Variants in SIPA1L1 observed in about 807,000 individuals in gnomAD.
SIPA1L1 encodes the protein signal-induced proliferation-associated 1-like protein 1.
A neutral mutation model predicts 162.7 loss-of-function variants in SIPA1L1; 26 were observed. That is an observed-to-expected ratio of 0.16 (90% CI 0.12 to 0.22). The LOEUF (loss-of-function observed/expected upper bound fraction) is 0.22. Among genes scored for constraint, SIPA1L1 ranks in the 10% least tolerant of loss-of-function variants. SIPA1L1 has a pLI of 1.00. For missense variants in SIPA1L1, 1,874 were observed against 2,241.0 expected, an observed-to-expected ratio of 0.84 and a Z score of 3.31; for synonymous variants, 829 against 837.4, an observed-to-expected ratio of 0.99 and a Z score of 0.17.
chr14:71,542,205 C>A (rs1455397378), intron 4 of SIPA1L1, among the ~76,000 whole-genome samples: 1 of 152,124 alleles, frequency 6.6e-6, no homozygotes. Context: ...CCCCACTCAG[C>A]CTCCCAAGTA....
intron 2 of SIPA1L1, among the ~76,000 whole-genome samples, chr14:71,445,530 G>A (rs761594829): frequency 9.2e-5 from 14 of 152,102 alleles, no homozygotes; most frequent in Non-Finnish European, 1.9e-4. Context: ...ATGTGCATGG[G>A]AAGAGAGACT....
chr14:71,701,670 A>G (rs1253724774), intron 14 of SIPA1L1, among the ~76,000 whole-genome samples: 1 of 152,224 alleles, frequency 6.6e-6, no homozygotes, highest in African/African-American at 2.4e-5. Context: ...TAGTCAAGGC[A>G]TATGCTTTAA....
intron 4 of SIPA1L1, among the ~76,000 whole-genome samples, chr14:71,573,148 G>A (rs2032396439): frequency 6.6e-6 from 1 of 152,148 alleles, no homozygotes; most frequent in Non-Finnish European, 1.5e-5. Flanking sequence ...AAGCAGTATC[G>A]GTTTCCCCCA....
intron 2 of SIPA1L1, among the ~76,000 whole-genome samples, chr14:71,434,465 A>G (rs1471024113): frequency 2.0e-5 from 3 of 152,238 alleles, no homozygotes; most frequent in Non-Finnish European, 4.4e-5. Context: ...AAGGTAATAC[A>G]GTGAAGCTAA....
intron 7 of SIPA1L1, among the ~76,000 whole-genome samples, chr14:71,625,158 A>T (rs948594610): frequency 2.6e-5 from 4 of 152,126 alleles, no homozygotes; most frequent in African/African-American, 9.7e-5. Context: ...CCAGATTTGG[A>T]TAGGATTTCC....
chr14:71,685,409 A>G lies in SIPA1L1; in HGVS notation c.3152A>G (p.Asn1051Ser). 6.2e-7 allele frequency: 1 copy of G among 1,614,226 alleles called. No individual in the cohort carries two copies. The highest frequency in any genetic ancestry group is 8.5e-7 in the Non-Finnish European group (1 of 1,180,040). ...ATGCCAGTGATGGAGTACAAAATGA[A>G]TGAAGGTGTTTCATACGAATTCAAG... ...YRMPVMEYKM[N>S]EGVSYEFKFP... Residue 1051 changes from asparagine to serine, a missense_variant, in exon 13 of 24, where the codon AAT becomes AGT. By Grantham distance (46) the Asn-to-Ser change is conservative. This residue lies in a region of SIPA1L1 where 936 missense variants were observed against 1,051.9 expected (regional missense o/e 0.89). Coordinates refer to ENST00000381232, the MANE Select transcript of SIPA1L1 (RefSeq NM_001386936.1).
At chr14:71,456,841 A>G (rs1300550187) in intron 2 of SIPA1L1, among the ~76,000 whole-genome samples, 1 of 152,264 alleles carries the variant, frequency 6.6e-6, no homozygotes, top group Non-Finnish European at 1.5e-5. Context: ...AATTGAATAA[A>G]TCTAAATAAG....
chr14:71,607,681 A>C (rs936579296), intron 5 of SIPA1L1, among the ~76,000 whole-genome samples: 16 of 152,326 alleles, frequency 1.1e-4, no homozygotes, highest in Non-Finnish European at 1.9e-4. Flanking sequence ...AAACTAGAGA[A>C]GATTTAGAAG....
intron 7 of SIPA1L1, among the ~76,000 whole-genome samples, chr14:71,636,282 T>A (rs924057975): frequency 1.3e-5 from 2 of 152,184 alleles, no homozygotes; most frequent in Non-Finnish European, 2.9e-5. Flanking sequence ...TATGCCAAGA[T>A]AGACATCCTG....
chr14:71,609,052 T>A lies in SIPA1L1; in HGVS notation c.1499-9705T>A, dbSNP rs190268554. 7.0e-3 allele frequency among the ~76,000 whole-genome samples: 1,073 copies of A among 152,340 alleles called. 6 individuals carry two copies. Among genetic ancestry groups the A allele is most frequent in the Non-Finnish European group, 0.012 (815 of 68,020 alleles). On this transcript the variant is annotated intron_variant, in intron 5 of 23. Coordinates refer to ENST00000381232, the MANE Select transcript of SIPA1L1 (RefSeq NM_001386936.1). ...GTCTTAATACATGCATACTCCTTTTTAAAATAAATAAGGAGTCTTAAATAC... is the reference window on the plus strand; with the variant it reads ...GTCTTAATACATGCATACTCCTTTTAAAAATAAATAAGGAGTCTTAAATAC...
In SIPA1L1 at chr14:71,588,981, C is replaced by G; in HGVS notation, c.1109C>G (p.Ser370Cys). The G allele has an allele frequency of 6.2e-7, 1 of 1,614,104 alleles. No individual in the cohort carries two copies. Among genetic ancestry groups the G allele is most frequent in the Non-Finnish European group, 8.5e-7 (1 of 1,179,982 alleles). The change falls in exon 5 of 24, where the codon TCC becomes TGC. Residue 370 changes from serine (S) to cysteine (C), a missense_variant. By Grantham distance (112) the Ser-to-Cys change is moderately radical. Transcript: ENST00000381232. This position sits in a 1 kb window ranked among gnomAD's most constrained non-coding sequence, Gnocchi z 4.3. ...GGAGCTTCCGCAGCTGCCGTGGCATCCTTGGTCTCTGGACCTCTGTCTCAT... is the reference window on the plus strand; with the variant it reads ...GGAGCTTCCGCAGCTGCCGTGGCATGCTTGGTCTCTGGACCTCTGTCTCAT... ...TTGASAAAVA[S>C]LVSGPLSHSA... is the part of the protein sequence containing the mutation.
At chr14:71,606,720 G>A (rs960664951) in intron 5 of SIPA1L1, among the ~76,000 whole-genome samples, 2 of 152,030 alleles carry the variant, frequency 1.3e-5, no homozygotes, top group African/African-American at 4.8e-5. Context: ...GTCTCTCCAC[G>A]CTCCCAACCG....
At chr14:71,649,009 A>G (rs1216562677) in intron 7 of SIPA1L1, among the ~76,000 whole-genome samples, 1 of 152,198 alleles carries the variant, frequency 6.6e-6, no homozygotes, top group Non-Finnish European at 1.5e-5. Context: ...TATGTTAAAC[A>G]CTGCACGTAG....
intron 7 of SIPA1L1, among the ~76,000 whole-genome samples, chr14:71,636,059 G>GA (rs1280517011): frequency 3.3e-5 from 5 of 151,910 alleles, no homozygotes; most frequent in African/African-American, 1.2e-4. Flanking sequence ...AAATGTGAAG[G>GA]AAAAAAACTG....
At chr14:71,613,133 T>C (rs1183538177) in intron 5 of SIPA1L1, among the ~76,000 whole-genome samples, 1 of 152,210 alleles carries the variant, frequency 6.6e-6, no homozygotes, top group Non-Finnish European at 1.5e-5. Flanking sequence ...ACTAGATAAA[T>C]AGTTTATTCC....
At chr14:71,719,987 G>T (rs772496211) in intron 17 of SIPA1L1, among the ~76,000 whole-genome samples, 1 of 152,128 alleles carries the variant, frequency 6.6e-6, no homozygotes, top group African/African-American at 2.4e-5. Context: ...GGCCTGTAAG[G>T]TTTCCACCAG....
At chr14:71,567,969 A>G (rs2031084248) in intron 4 of SIPA1L1, among the ~76,000 whole-genome samples, 1 of 152,240 alleles carries the variant, frequency 6.6e-6, no homozygotes, top group Non-Finnish European at 1.5e-5. Context: ...GTCTTTTAGC[A>G]TGCTAATGTA....
intron 2 of SIPA1L1, among the ~76,000 whole-genome samples, chr14:71,480,484 G>A (rs760147700): frequency 5.3e-5 from 8 of 150,224 alleles, no homozygotes; most frequent in South Asian, 2.1e-4. Context: ...GAAGTCAGCC[G>A]TGCACAGTGG....
At chr14:71,553,189 G>T (rs2056034411) in intron 4 of SIPA1L1, among the ~76,000 whole-genome samples, 1 of 152,140 alleles carries the variant, frequency 6.6e-6, no homozygotes. Flanking sequence ...TTTTTTGGTG[G>T]GGTGAATGTA....
Sources: gnomAD v4.1 joint callset for allele counts (sites outside exome capture counted in the v4.1 genomes callset) on GRCh38, gnomAD v4.1.1 for gene constraint, gnomAD v4.1.1 regional missense constraint, Gnocchi (gnomAD v3.1) non-coding constraint, MANE v1.5 for transcripts, NCBI Gene and HGNC (gene_info 2026-07-23, HGNC 2026-07-21) for gene names.